The following NALCN variants were observed in gnomAD, a reference collection of about 807,000 sequenced individuals.
The protein encoded by NALCN is sodium leak channel NALCN.
Under a neutral mutation model 225.3 loss-of-function variants are expected in NALCN, and 111 were observed. That is an observed-to-expected ratio of 0.49 (90% CI 0.42 to 0.58). The LOEUF (loss-of-function observed/expected upper bound fraction) is 0.58. Among genes scored for constraint, NALCN ranks in the 20% least tolerant of loss-of-function variants. NALCN has a pLI of 0.00. For missense variants in NALCN, 1,378 were observed against 2,202.4 expected (o/e 0.63, Z 7.49); for synonymous variants, 764 against 769.0 (o/e 0.99, Z 0.11).
intron 15 of NALCN, among the ~76,000 whole-genome samples, chr13:101,159,543 G>T (rs183158680): frequency 4.6e-5 from 7 of 152,296 alleles, no homozygotes; most frequent in Admixed American, 4.6e-4. Flanking sequence ...AGAAAACCAT[G>T]CAGCATGAAC....
At chr13:101,258,091 C>T (rs935946401) in intron 11 of NALCN, among the ~76,000 whole-genome samples, 1 of 152,132 alleles carries the variant, frequency 6.6e-6, no homozygotes, top group East Asian at 1.9e-4. Context: ...TTATGATCTT[C>T]TGAATCTGTG....
intron 9 of NALCN, 71 bp downstream of exon 9, chr13:101,291,919 G>A: frequency 6.8e-7 from 1 of 1,463,164 alleles, no homozygotes; most frequent in Non-Finnish European, 9.5e-7. Context: ...CTTCCCCAAG[G>A]TCCACTGATG....
chr13:101,120,576 A>G (rs2035927773), intron 18 of NALCN, among the ~76,000 whole-genome samples: 1 of 152,138 alleles, frequency 6.6e-6, no homozygotes, highest in South Asian at 2.1e-4. Context: ...TAAAGGTAAT[A>G]CATGTGTCTG....
intron 37 of NALCN, 144 bp from the exon 38 acceptor site, chr13:101,068,971 G>T: frequency 2.6e-6 from 2 of 774,924 alleles, no homozygotes; most frequent in South Asian, 3.8e-5. Flanking sequence ...ACATACATTG[G>T]GTACATCATC....
At chr13:101,345,569 G>T in intron 6 of NALCN, 149 bp from the exon 7 acceptor site, 5 of 887,338 alleles carry the variant, frequency 5.6e-6, no homozygotes, top group South Asian at 5.3e-5. Context: ...GGAGGCATAG[G>T]CAGGAGAATC....
At chr13:101,397,151 C>A (rs1163974492) in intron 2 of NALCN, among the ~76,000 whole-genome samples, 29 of 127,910 alleles carry the variant, frequency 2.3e-4, no homozygotes, top group Non-Finnish European at 1.7e-5. Flanking sequence ...ATACACATAG[C>A]ATGTTATATG....
chr13:101,271,955 CAT>C (rs1330167914), intron 10 of NALCN, among the ~76,000 whole-genome samples: 29 of 148,150 alleles, frequency 2.0e-4, no homozygotes, highest in African/African-American at 7.2e-4. Flanking sequence ...TGTGCATGAG[CAT>C]GTGCGTGTAG....
chr13:101,346,488 T>C (rs2045742212), intron 6 of NALCN, among the ~76,000 whole-genome samples: 2 of 152,080 alleles, frequency 1.3e-5, no homozygotes, highest in South Asian at 4.2e-4. Flanking sequence ...ATGATACTTG[T>C]CCTTCTGAGT....
chr13:101,205,754 T>G (rs140327348), intron 13 of NALCN, among the ~76,000 whole-genome samples: 97 of 152,246 alleles, frequency 6.4e-4, no homozygotes, highest in African/African-American at 2.2e-3. Flanking sequence ...ATGCATTTCA[T>G]TGTCAATCAA....
intron 10 of NALCN, among the ~76,000 whole-genome samples, chr13:101,277,429 TA>T (rs1413499628): frequency 1.3e-5 from 2 of 152,192 alleles, no homozygotes; most frequent in Admixed American, 1.3e-4. Flanking sequence ...ATGTGTGGAC[TA>T]ATTGTTATTA....
chr13:101,180,831 A>G, intron 14 of NALCN: 1 of 333,460 alleles, frequency 3.0e-6, no homozygotes, highest in South Asian at 2.4e-5. Flanking sequence ...CTCCCACGGA[A>G]ACACGCTTTG....
chr13:101,303,500 C>T (rs1044593091), intron 7 of NALCN, among the ~76,000 whole-genome samples: 4 of 152,102 alleles, frequency 2.6e-5, no homozygotes, highest in Admixed American at 2.0e-4. Context: ...TTTCTATTTA[C>T]GTTTTAATAT....
At chr13:101,063,703 A>T (rs551932281) in intron 40 of NALCN, among the ~76,000 whole-genome samples, 1 of 150,624 alleles carries the variant, frequency 6.6e-6, no homozygotes, top group Admixed American at 6.6e-5. Flanking sequence ...CTTTTCCCAG[A>T]TTCTTCCTGT....
intron 18 of NALCN, among the ~76,000 whole-genome samples, chr13:101,119,263 G>A (rs1001940687): frequency 1.3e-5 from 2 of 152,122 alleles, no homozygotes; most frequent in African/African-American, 4.8e-5. Context: ...CTTTTAAAAT[G>A]ATAAGAGAAA....
chr13:101,369,005 C>CA (rs1396758351), intron 6 of NALCN: 17 of 361,774 alleles, frequency 4.7e-5, no homozygotes, highest in East Asian at 1.0e-4. Context: ...GAGTCTGTCT[C>CA]AAAAAAACAA....
At chr13:101,401,482 T>C (rs904454944) in intron 1 of NALCN, among the ~76,000 whole-genome samples, 1 of 152,128 alleles carries the variant, frequency 6.6e-6, no homozygotes, top group Admixed American at 6.5e-5. Flanking sequence ...ATATAAGGAA[T>C]TTTAGAGATC....
intron 7 of NALCN, among the ~76,000 whole-genome samples, chr13:101,294,519 A>G (rs1230425269): frequency 1.3e-5 from 2 of 149,404 alleles, no homozygotes; most frequent in African/African-American, 4.9e-5. Context: ...AAATATAGTT[A>G]ATGTTTTTCT....
intron 14 of NALCN, among the ~76,000 whole-genome samples, chr13:101,188,692 A>T (rs960833547): frequency 8.0e-5 from 12 of 150,656 alleles, no homozygotes; most frequent in East Asian, 3.9e-4. Flanking sequence ...ATATATATAT[A>T]TATTTTTTTG....
At chr13:101,410,486 T>G (rs1323058968) in intron 1 of NALCN, among the ~76,000 whole-genome samples, 1 of 152,254 alleles carries the variant, frequency 6.6e-6, no homozygotes, top group Non-Finnish European at 1.5e-5. Context: ...TATTCTTTCC[T>G]CAGAAATCTT....
Sources: allele counts gnomAD v4.1 joint callset (sites outside exome capture counted in the v4.1 genomes callset), GRCh38; gene constraint gnomAD v4.1.1; transcripts MANE v1.5; gene names NCBI Gene and HGNC (gene_info 2026-07-23, HGNC 2026-07-21).